The following PKN2 variants were observed in gnomAD, a reference collection of about 807,000 sequenced individuals.
PKN2 encodes the protein protein kinase N2, also known as serine/threonine-protein kinase N2.
In PKN2, 38 loss-of-function variants were observed where a neutral mutation model predicts 119.1. That is an observed-to-expected ratio of 0.32 (90% CI 0.25 to 0.42). PKN2 has a LOEUF of 0.42. Ranked by LOEUF, PKN2 falls within the 10% of genes least tolerant of loss-of-function variation. The pLI, the probability that PKN2 is intolerant of heterozygous loss-of-function variation, is 1.00. For missense variants in PKN2, 850 were observed against 1,165.1 expected, an observed-to-expected ratio of 0.73 and a Z score of 3.94; for synonymous variants, 390 against 384.9, an observed-to-expected ratio of 1.01 and a Z score of -0.15.
chr1:88,805,946 C>T lies in PKN2; in HGVS notation c.1732C>T (p.Pro578Ser), dbSNP rs373655576. 1.1e-5 allele frequency: 18 copies of T among 1,613,282 alleles called. No homozygotes were observed. The highest frequency in any genetic ancestry group is 1.3e-5 in the African/African-American group (1 of 74,876). The change falls in exon 12 of 22, where the codon CCA becomes TCA. Residue 578 changes from proline to serine, a missense_variant. This residue lies in a region of PKN2 where 216 missense variants were observed against 252.8 expected (regional missense o/e 0.85). Coordinates refer to ENST00000370521, the MANE Select transcript of PKN2 (RefSeq NM_006256.4). ...FDLEPEPPPA[P>S]PRASSLGEID... Reference sequence around the variant, plus strand: ...TCTTGAGCCTGAACCTCCTCCAGCCCCACCACGAGCTTCTTCTCTTGGAGA... The same window carrying T: ...TCTTGAGCCTGAACCTCCTCCAGCCTCACCACGAGCTTCTTCTCTTGGAGA...
intron 12 of PKN2, 85 bp from the exon 13 acceptor site, chr1:88,807,228 A>C: frequency 1.0e-6 from 1 of 952,528 alleles, no homozygotes; most frequent in Non-Finnish European, 1.5e-6. Flanking sequence ...TTGACTTTTG[A>C]AATGTTTTTC....
chr1:88,810,123 T>A (rs2100887308), intron 15 of PKN2, among the ~76,000 whole-genome samples: 1 of 151,970 alleles, frequency 6.6e-6, no homozygotes, highest in African/African-American at 2.4e-5. Context: ...TTTTTAAGAC[T>A]AGCTTTTTTT....
rs755666862 is a variant in PKN2, at chr1:88,760,263, T to G, written c.391T>G (p.Cys131Gly). 3.9e-5 allele frequency: 62 copies of G among 1,580,964 alleles called. 2 individuals carry two copies. The South Asian group carries it at 6.8e-4, about 17-fold the overall frequency. Reference protein sequence around the residue: ...TPDTPNNDPRCSTSNNRLKAL... With the variant: ...TPDTPNNDPRGSTSNNRLKAL... ...AGATACTCCAAATAATGACCCTCGTTGTTCTACTAGCAACAATAGATTGAA... is the reference window on the plus strand; with the variant it reads ...AGATACTCCAAATAATGACCCTCGTGGTTCTACTAGCAACAATAGATTGAA... The change falls in exon 3 of 22, where the codon TGT becomes GGT. Residue 131 changes from cysteine (C) to glycine (G), a missense_variant. By Grantham distance (159) the Cys-to-Gly change is radical. Transcript: ENST00000370521.
chr1:88,791,469 T>A (rs1295229109), intron 8 of PKN2, among the ~76,000 whole-genome samples: 2 of 149,924 alleles, frequency 1.3e-5, no homozygotes, highest in Non-Finnish European at 3.0e-5. Context: ...GTTGCCCAGG[T>A]TTTGAACTAG....
chr1:88,711,340 C>G (rs2100685975), intron 1 of PKN2, among the ~76,000 whole-genome samples: 1 of 152,044 alleles, frequency 6.6e-6, no homozygotes, highest in East Asian at 1.9e-4. Context: ...TTTTCTTATT[C>G]CACTTCCCGC....
At chr1:88,832,635 T>G in intron 19 of PKN2, 109 bp from the exon 20 acceptor site, 1 of 623,886 alleles carries the variant, frequency 1.6e-6, no homozygotes, top group African/African-American at 1.8e-5. Flanking sequence ...GTTGTTGTTT[T>G]GTCTGTTTTT....
chr1:88,781,266 GC>G, intron 6 of PKN2: 1 of 616,616 alleles, frequency 1.6e-6, no homozygotes, highest in Non-Finnish European at 2.3e-6. Flanking sequence ...ACTGAAATTT[GC>G]CAGTTTGTTG....
rs142346416 is a variant in PKN2, at chr1:88,780,999, G to A, written c.986-3640G>A. The A allele has an allele frequency of 7.7e-4, 555 of 725,248 alleles. 5 individuals carry two copies. In the African/African-American group the frequency reaches 0.01, roughly 13 times the overall value. The allele number at this position is 725,248 out of a possible 1,614,324, so 44.9% of individuals were successfully genotyped here. A position where few individuals can be genotyped will look rare whatever the true frequency, so the allele number is the denominator to read the frequency against. On this transcript the variant is annotated intron_variant, in intron 6 of 21. Transcript: ENST00000370521. ...CTGAACTTTACTCAAAGTTATATAA[G>A]TCACCAACCTAAAAAGAAGTATCTT...
chr1:88,822,228 T>C lies in PKN2; in HGVS notation c.2342+225T>C, dbSNP rs192978846. Reference sequence around the variant, plus strand: ...CATTTTCTAATTAAAATAGTCAAATTATGAGTTGGTCTATGATAGTGCATT... The same window carrying C: ...CATTTTCTAATTAAAATAGTCAAATCATGAGTTGGTCTATGATAGTGCATT... On this transcript the variant is annotated intron_variant, in intron 17 of 21. Transcript: ENST00000370521. 2.0e-5 allele frequency among the ~76,000 whole-genome samples: 3 copies of C among 152,288 alleles called. No individual in the cohort carries two copies. The East Asian group carries it at 5.8e-4, about 29-fold the overall frequency.
At position 88,828,587 on chromosome 1, in the gene PKN2, C is replaced by A; in HGVS notation, c.2526C>A (p.Gly842=). Residue 842 remains glycine (G), a synonymous_variant, in exon 19 of 22, where the codon GGC becomes GGA. Transcript: ENST00000370521. ...ATACAAGGGCTGTAGATTGGTGGGG[C>A]CTTGGCGTGCTTATATATGAAATGC... ...TSYTRAVDWW[G]LGVLIYEMLV... The A allele has an allele frequency of 6.2e-7, 1 of 1,612,802 alleles. No homozygotes were observed. The highest frequency in any genetic ancestry group is 8.5e-7 in the Non-Finnish European group (1 of 1,179,064).
rs1301347895 is a variant in PKN2, at chr1:88,833,125, G to T, written c.2719G>T (p.Ala907Ser). Residue 907 changes from alanine (A) to serine (S), a missense_variant, in exon 21 of 22, where the codon GCA (alanine) becomes TCA (serine). Coordinates refer to ENST00000370521, the MANE Select transcript of PKN2 (RefSeq NM_006256.4). ...ERRLGASEKDAEDVKKHPFFR... is the reference protein window; with the variant it reads ...ERRLGASEKDSEDVKKHPFFR... Reference sequence around the variant, plus strand: ...GCGCCTTGGGGCTAGCGAGAAAGATGCAGAGGATGTAAAAAAGCACCCATT... The same window carrying T: ...GCGCCTTGGGGCTAGCGAGAAAGATTCAGAGGATGTAAAAAAGCACCCATT... 3.1e-6 allele frequency: 5 copies of T among 1,613,056 alleles called. No homozygotes were observed. Among genetic ancestry groups the T allele is most frequent in the Non-Finnish European group, 4.2e-6 (5 of 1,179,418 alleles).
intron 8 of PKN2, among the ~76,000 whole-genome samples, chr1:88,796,973 C>T (rs1671094994): frequency 6.6e-6 from 1 of 150,652 alleles, no homozygotes; most frequent in African/African-American, 2.4e-5. Context: ...ACAACACACT[C>T]TAGTCAATAC....
At chr1:88,708,579 C>T (rs950676543) in intron 1 of PKN2, among the ~76,000 whole-genome samples, 2 of 148,826 alleles carry the variant, frequency 1.3e-5, no homozygotes, top group African/African-American at 2.5e-5. Context: ...AAGTGTATTT[C>T]GCAAATAAAT....
At chr1:88,819,633 ATAT>A (rs1672161537) in intron 16 of PKN2, among the ~76,000 whole-genome samples, 1 of 152,218 alleles carries the variant, frequency 6.6e-6, no homozygotes, top group Admixed American at 6.5e-5. Context: ...AGAACTAGAA[ATAT>A]TATTTGACCC....
In PKN2 at chr1:88,833,336, A is replaced by G. The variant is rs200518024; in HGVS notation, c.2843A>G (p.Asp948Gly). The G allele has an allele frequency of 6.2e-7, 1 of 1,613,436 alleles. No individual in the cohort carries two copies. The highest frequency in any genetic ancestry group is 8.5e-7 in the Non-Finnish European group (1 of 1,179,450). ...RGREDVSNFD[D>G]EFTSEAPILT... ...CGAGAAGATGTTAGTAATTTTGATG[A>G]TGAATTTACCTCAGAAGCACCTATT... The change falls in exon 22 of 22, where the codon GAT (aspartate) becomes GGT (glycine). Residue 948 changes from aspartate to glycine, a missense_variant. Asp to Gly is a moderately conservative substitution (Grantham distance 94). Coordinates refer to ENST00000370521, the MANE Select transcript of PKN2 (RefSeq NM_006256.4).
intron 1 of PKN2, among the ~76,000 whole-genome samples, chr1:88,708,288 A>G (rs1435774743): frequency 6.6e-6 from 1 of 152,140 alleles, no homozygotes; most frequent in Non-Finnish European, 1.5e-5. Flanking sequence ...GGTTCTCTAT[A>G]GGTTTTTGTT....
In PKN2 at chr1:88,771,647, CTT is replaced by C; in HGVS notation, c.769-13_769-12del. On this transcript the variant is annotated splice_polypyrimidine_tract_variant and intron_variant, in intron 5 of 21. Transcript: ENST00000370521. ...TGATTATTTAAATGACAACAATTGT[CTT>C]TTCCCTGTGCAAGGCTCAAGCAAGA... The C allele has an allele frequency of 6.2e-7, 1 of 1,607,964 alleles. No homozygotes were observed. The highest frequency in any genetic ancestry group is 1.1e-5 in the South Asian group (1 of 90,774).
chr1:88,813,897 T>A (rs941755034), intron 16 of PKN2, among the ~76,000 whole-genome samples, 164 bp downstream of exon 16: 2 of 152,214 alleles, frequency 1.3e-5, no homozygotes, highest in Admixed American at 6.5e-5. Context: ...ACTTTTTGTA[T>A]GTATTCTGTT....
Position 88,830,351 on chromosome 1 carries a change from G to A in PKN2, c.2562+1728G>A, listed in dbSNP as rs1672681371. 3.9e-5 allele frequency among the ~76,000 whole-genome samples: 6 copies of A among 152,112 alleles called. No individual in the cohort carries two copies. In the South Asian group the frequency reaches 1.2e-3, roughly 31 times the overall value. ...GTTTAGGTTGGAAAGATTTATTTTA[G>A]CTCCAGTCCACAGTGGCTTTTACTT... On this transcript the variant is annotated intron_variant, in intron 19 of 21. Coordinates refer to ENST00000370521, the MANE Select transcript of PKN2 (RefSeq NM_006256.4).
Sources: gnomAD v4.1 joint callset for allele counts (sites outside exome capture counted in the v4.1 genomes callset) on GRCh38, gnomAD v4.1.1 for gene constraint, gnomAD v4.1.1 regional missense constraint, MANE v1.5 for transcripts, NCBI Gene and HGNC (gene_info 2026-07-23, HGNC 2026-07-21) for gene names.